The following FAM217A variants were observed in gnomAD, a reference collection of about 807,000 sequenced individuals.
The protein encoded by FAM217A is family with sequence similarity 217 member A, also known as protein FAM217A.
A neutral mutation model predicts 18.5 loss-of-function variants in FAM217A; 13 were observed. The ratio of observed to expected loss-of-function variants is 0.70; its 90% CI spans 0.46 to 1.12. The LOEUF is 1.12. Ranked by LOEUF, FAM217A falls within the 50% of genes most tolerant of loss-of-function variation. FAM217A has a pLI of 0.00. For missense variants in FAM217A, 560 were observed against 575.4 expected (o/e 0.97, Z 0.27); for synonymous variants, 161 against 202.8 (o/e 0.79, Z 1.75).
rs1459519145 is a variant in FAM217A, at chr6:4,079,059, G to A, written c.-242C>T. The stretch of plus-strand genomic sequence containing the variant: ...GCAGGGCCTGCGAAGCCCGCGGGCC[G>A]GCGCAGGGGTGGGAGTCGGGCCCGG... On this transcript the variant is annotated 5_prime_UTR_variant, in exon 1 of 7. Coordinates refer to ENST00000274673, the MANE Select transcript of FAM217A (RefSeq NM_173563.3). 3 of 370,694 alleles carry A rather than the reference G, an allele frequency of 8.1e-6. No individual in the cohort carries two copies. The highest frequency in any genetic ancestry group is 9.6e-6 in the Non-Finnish European group (2 of 208,204). 23.0% of individuals were successfully genotyped at this position (370,694 alleles called of 1,614,324 possible).
chr6:4,077,677 G>A (rs372907523), intron 1 of FAM217A, among the ~76,000 whole-genome samples: 2 of 147,780 alleles, frequency 1.4e-5, no homozygotes, highest in Non-Finnish European at 3.0e-5. Context: ...TCTCAGAACA[G>A]AAGATTAGGA....
upstream of FAM217A, among the ~76,000 whole-genome samples, chr6:4,083,217 G>C (rs184134755): frequency 7.2e-5 from 11 of 152,334 alleles, no homozygotes; most frequent in South Asian, 2.1e-4. Context: ...TCACTTAGTA[G>C]TCCAGTAAGC....
At chr6:4,077,883 G>A (rs1769943169) in intron 1 of FAM217A, among the ~76,000 whole-genome samples, 1 of 151,966 alleles carries the variant, frequency 6.6e-6, no homozygotes, top group Admixed American at 6.6e-5. Flanking sequence ...TGCATATTTC[G>A]GAGACAACAA....
At chr6:4,075,529 A>T (rs2113870459) in intron 2 of FAM217A, among the ~76,000 whole-genome samples, 1 of 152,338 alleles carries the variant, frequency 6.6e-6, no homozygotes, top group South Asian at 2.1e-4. Flanking sequence ...AGGTGCTAAT[A>T]ACAACTGAGT....
intron 6 of FAM217A, 29 bp from the exon 7 acceptor site, chr6:4,069,949 G>A (rs1317694839): frequency 7.0e-7 from 1 of 1,418,926 alleles, no homozygotes; most frequent in Non-Finnish European, 9.6e-7. Flanking sequence ...TTAATGAATG[G>A]TTTATTGACT....
intron 6 of FAM217A, among the ~76,000 whole-genome samples, chr6:4,071,126 G>A (rs1245379995): frequency 6.6e-6 from 1 of 151,922 alleles, no homozygotes; most frequent in East Asian, 1.9e-4. Flanking sequence ...CGTACATGTA[G>A]TATGAAGAGT....
exon 2 of FAM217A, chr6:4,084,695 C>T: frequency 1.4e-6 from 1 of 703,040 alleles, no homozygotes. Flanking sequence ...AAACTTGGAG[C>T]TAATCTTCTC....
rs1255661229 is a variant in FAM217A at position 4,069,669 on chromosome 6, T to G, written c.554A>C (p.Asn185Thr). Residue 185 changes from asparagine to threonine, a missense_variant, in exon 7 of 7, where the codon AAT (asparagine) becomes ACT (threonine). Coordinates refer to ENST00000274673, the MANE Select transcript of FAM217A (RefSeq NM_173563.3). ...NNDGETLPAP[N>T]WNLKHGNSSV... ...GCTGTTTCCATGTTTCAAATTCCAATTTGGAGCAGGTAATGTTTCACCATC... is the reference window on the plus strand; with the variant it reads ...GCTGTTTCCATGTTTCAAATTCCAAGTTGGAGCAGGTAATGTTTCACCATC... The G allele has an allele frequency of 6.2e-7, 1 of 1,614,160 alleles. No homozygotes were observed. The highest frequency in any genetic ancestry group is 1.7e-5 in the Admixed American group (1 of 60,018).
chr6:4,085,744 T>C lies in FAM217A; in HGVS notation c.19-934A>G, dbSNP rs1770615587. Among the ~76,000 whole-genome samples the C allele has an allele frequency of 2.0e-5, 3 of 152,222 alleles. No homozygotes were observed. In the South Asian group the frequency reaches 6.2e-4, roughly 31 times the overall value. On this transcript the variant is annotated intron_variant, in intron 1 of 8. Coordinates refer to the FAM217A transcript ENST00000639338. ...TGGTTCTTGTTAGTTATATAACATA[T>C]TTTAAATATGTACTTGCATTTAAAG...
At chr6:4,087,170 T>A (rs911416311), upstream of FAM217A, 13 of 488,642 alleles carry the variant, frequency 2.7e-5, no homozygotes, top group Non-Finnish European at 3.9e-5. Flanking sequence ...AAGTACCAGA[T>A]GGGAAAATAC....
At position 4,078,864 on chromosome 6, in the gene FAM217A, C is replaced by T; in HGVS notation, c.-47G>A. ...GCTCTCAACCCACCGCGCGAAGGCC[C>T]ACGTGTCCTCCCCGGCGTGCTCTCC... On this transcript the variant is annotated 5_prime_UTR_variant, in exon 1 of 7. Transcript: ENST00000274673. The T allele has an allele frequency of 2.0e-6, 1 of 511,246 alleles. No individual in the cohort carries two copies. 31.7% of individuals were successfully genotyped at this position (511,246 alleles called of 1,614,324 possible).
At chr6:4,079,657 A>G (rs936354777), upstream of FAM217A, 1 of 1,284,108 alleles carries the variant, frequency 7.8e-7, no homozygotes, top group African/African-American at 1.5e-5. Flanking sequence ...CCGCCTGCTC[A>G]CATCAAGCCA....
At chr6:4,075,522 T>G (rs1486623138) in intron 2 of FAM217A, among the ~76,000 whole-genome samples, 1 of 152,010 alleles carries the variant, frequency 6.6e-6, no homozygotes, top group Non-Finnish European at 1.5e-5. Context: ...ACGGGAAAGG[T>G]GCTAATAACA....
upstream of FAM217A, among the ~76,000 whole-genome samples, chr6:4,082,501 T>TA (rs1431088027): frequency 6.6e-6 from 1 of 152,186 alleles, no homozygotes; most frequent in Non-Finnish European, 1.5e-5. Context: ...AAGCCAGCCA[T>TA]AAAACCTAAA....
At chr6:4,079,679 C>G, upstream of FAM217A, 1 of 1,285,720 alleles carries the variant, frequency 7.8e-7, no homozygotes, top group Non-Finnish European at 1.0e-6. Context: ...GAGCACCGCC[C>G]GGTACGTAGT....
At position 4,074,654 on chromosome 6, in the gene FAM217A, G is replaced by T. The variant is rs1418710333; in HGVS notation, c.68C>A (p.Ser23Tyr). 1 of 1,606,912 alleles carries T rather than the reference G, an allele frequency of 6.2e-7. No individual in the cohort carries two copies. The highest frequency in any genetic ancestry group is 1.7e-5 in the Admixed American group (1 of 59,896). Residue 23 changes from serine to tyrosine, a missense_variant, in exon 3 of 7, where the codon TCT (serine) becomes TAT (tyrosine). Coordinates refer to ENST00000274673, the MANE Select transcript of FAM217A (RefSeq NM_173563.3). ...RVSNISQENL[S>Y]HWNLDSEVPV... ...TACTTCTGAATCCAAATTCCAGTGA[G>T]ATAAGTTCTAAAACAATATTTGTTT...
At position 4,069,358 on chromosome 6, in the gene FAM217A, G is replaced by A. The variant is rs750499640; in HGVS notation, c.865C>T (p.Arg289Cys). The A allele has an allele frequency of 8.7e-6, 14 of 1,613,934 alleles. No individual in the cohort carries two copies. Among genetic ancestry groups the A allele is most frequent in the East Asian group, 2.2e-5 (1 of 44,884 alleles). Residue 289 changes from arginine to cysteine, a missense_variant, in exon 7 of 7, where the codon CGT (arginine) becomes TGT (cysteine). Transcript: ENST00000274673. ...AETSVEHLIT[R>C]LLELERLQHM... The stretch of plus-strand genomic sequence containing the variant: ...TGTAATCGTTCTAGTTCCAGTAAAC[G>A]AGTTATCAAGTGTTCAACAGAGGTT...
chr6:4,084,896 A>G (rs952283285), intron 1 of FAM217A: 1 of 662,376 alleles, frequency 1.5e-6, no homozygotes, highest in Admixed American at 2.3e-5. Context: ...AGAGTCATGC[A>G]GCTGCTGCGC....
intron 4 of FAM217A, among the ~76,000 whole-genome samples, chr6:4,073,853 TTTG>T (rs1769585060): frequency 1.3e-5 from 2 of 152,116 alleles, no homozygotes. Context: ...TTCAAGACAT[TTTG>T]TTGTTGTTGA....
Sources: allele counts gnomAD v4.1 joint callset (sites outside exome capture counted in the v4.1 genomes callset), GRCh38; gene constraint gnomAD v4.1.1; transcripts MANE v1.5; gene names NCBI Gene and HGNC (gene_info 2026-07-23, HGNC 2026-07-21).